The following ST6GAL2 variants were observed in gnomAD, a reference collection of about 807,000 sequenced individuals.
ST6GAL2 encodes ST6 beta-galactoside alpha-2,6-sialyltransferase 2.
ST6GAL2 carries 24 observed loss-of-function variants against 37.5 expected under a neutral mutation model. The observed-to-expected ratio is 0.64, with a 90% CI of 0.46 to 0.90. The LOEUF (loss-of-function observed/expected upper bound fraction) is 0.90. ST6GAL2 is among the 40% of genes least tolerant of loss of function. The probability of loss-of-function intolerance (pLI) is 0.00; values close to 1 mark genes in which losing one functional copy is unlikely to be tolerated. For missense variants in ST6GAL2, 715 were observed against 712.7 expected (o/e 1.00, Z -0.04); for synonymous variants, 306 against 295.1 (o/e 1.04, Z -0.38).
intron 1 of ST6GAL2, among the ~76,000 whole-genome samples, chr2:106,861,162 A>G (rs1000134604): frequency 6.6e-6 from 1 of 152,218 alleles, no homozygotes; most frequent in Non-Finnish European, 1.5e-5. Context: ...GCAAAGGGGA[A>G]GAAAAACACC....
chr2:106,856,890 G>A lies in ST6GAL2; in HGVS notation c.-57-12856C>T, dbSNP rs150362328. On this transcript the variant is annotated intron_variant, in intron 1 of 5. Coordinates refer to ENST00000409382, the MANE Select transcript of ST6GAL2 (RefSeq NM_001142351.2). ...TTCAATTTTCATGACATGAGGAACA[G>A]TCAATATTTAGATTTAATAATATGC... 1.7e-3 allele frequency among the ~76,000 whole-genome samples: 260 copies of A among 152,336 alleles called. 3 individuals carry two copies. The highest frequency in any genetic ancestry group is 0.014 in the East Asian group (72 of 5,184).
At chr2:106,827,175 G>A (rs2104456903) in intron 5 of ST6GAL2, among the ~76,000 whole-genome samples, 1 of 152,224 alleles carries the variant, frequency 6.6e-6, no homozygotes, top group Admixed American at 6.5e-5. Context: ...GGGGGCATTT[G>A]GAGAACACTT....
intron 5 of ST6GAL2, among the ~76,000 whole-genome samples, chr2:106,817,868 G>C (rs10197842): frequency 0.13 from 19,052 of 152,086 alleles, 1,744 homozygotes; most frequent in East Asian, 0.49. Flanking sequence ...TCCCAGGTCT[G>C]GTAGCATTTA....
chr2:106,806,755 G>T lies in ST6GAL2; in HGVS notation c.1513C>A (p.Arg505Ser). Residue 505 changes from arginine to serine, a missense_variant, in exon 6 of 6, where the codon CGC becomes AGC. Physicochemically the swap from Arg to Ser is moderately radical, Grantham distance 110. Around this residue, in one of 3 missense-constraint regions of ST6GAL2, gnomAD observed 198 missense variants for 203.6 expected, o/e 0.97. Transcript: ENST00000409382. ...LNMGTQGDLH[R>S]KGKVVLPGFQ... ...CCGGGAAGAACCACCTTGCCCTTGC[G>T]ATGCAAATCCCCCTGCGTGCCCATG... 6.2e-7 allele frequency: 1 copy of T among 1,614,166 alleles called. No individual in the cohort carries two copies. Among genetic ancestry groups the T allele is most frequent in the South Asian group, 1.1e-5 (1 of 91,082 alleles).
intron 1 of ST6GAL2, among the ~76,000 whole-genome samples, chr2:106,852,751 T>C (rs1309902296): frequency 2.6e-5 from 4 of 152,224 alleles, no homozygotes; most frequent in East Asian, 3.9e-4. Context: ...GGCAAAATCA[T>C]GGTTAGGCTG....
chr2:106,829,776 C>T (rs1676342649), intron 5 of ST6GAL2, among the ~76,000 whole-genome samples: 1 of 151,766 alleles, frequency 6.6e-6, no homozygotes, highest in Non-Finnish European at 1.5e-5. Flanking sequence ...ATCTGAATAA[C>T]CAAAAGTTTA....
rs1675435898 is a variant in ST6GAL2 at position 106,806,931 on chromosome 2, G to GA, written c.1336dup (p.Ser446PhefsTer10). On this transcript the variant is annotated frameshift_variant, in exon 6 of 6. Coordinates refer to ENST00000409382, the MANE Select transcript of ST6GAL2 (RefSeq NM_001142351.2). LOFTEE classifies it high-confidence loss of function. Reference sequence around the variant, plus strand: ...ATACACGTGCACCTCTCTGCACATGGACATCATTATGAGGATTCCTGACAT... The same window carrying GA: ...ATACACGTGCACCTCTCTGCACATGGAACATCATTATGAGGATTCCTGACAT... 1 of 1,611,858 alleles carries GA rather than the reference G, an allele frequency of 6.2e-7. No individual in the cohort carries two copies. The highest frequency in any genetic ancestry group is 1.1e-5 in the South Asian group (1 of 90,960).
intron 4 of ST6GAL2, among the ~76,000 whole-genome samples, chr2:106,831,820 C>G (rs1022781003): frequency 2.0e-5 from 3 of 152,158 alleles, no homozygotes; most frequent in Non-Finnish European, 2.9e-5. Flanking sequence ...AGGTTGCATC[C>G]TCTCTGGTCT....
intron 1 of ST6GAL2, among the ~76,000 whole-genome samples, chr2:106,871,201 G>A (rs982893620): frequency 3.3e-5 from 5 of 152,168 alleles, no homozygotes; most frequent in African/African-American, 1.2e-4. Flanking sequence ...GAAAAGTACA[G>A]TAAAAATATG....
At chr2:106,883,764 C>G (rs1443196448) in intron 1 of ST6GAL2, among the ~76,000 whole-genome samples, 1 of 152,112 alleles carries the variant, frequency 6.6e-6, no homozygotes, top group African/African-American at 2.4e-5. Flanking sequence ...AAAACTCAAT[C>G]AATCAGGAAT....
intron 1 of ST6GAL2, among the ~76,000 whole-genome samples, chr2:106,884,934 T>TATATATATATAC (rs1425070594): frequency 0.052 from 6,278 of 120,248 alleles, 315 homozygotes; most frequent in Middle Eastern, 0.14. Context: ...TATATATATA[T>TATATATATATAC]ACATACACAC....
At chr2:106,836,500 C>T (rs1235469610) in intron 2 of ST6GAL2, among the ~76,000 whole-genome samples, 1 of 152,020 alleles carries the variant, frequency 6.6e-6, no homozygotes, top group African/African-American at 2.4e-5. Flanking sequence ...ATGGATCTTT[C>T]ACTCACGCAT....
chr2:106,843,742 G>A lies in ST6GAL2; in HGVS notation c.236C>T (p.Ala79Val), dbSNP rs562042019. The A allele has an allele frequency of 3.1e-6, 5 of 1,611,802 alleles. No homozygotes were observed. Among genetic ancestry groups the A allele is most frequent in the African/African-American group, 2.7e-5 (2 of 74,962 alleles). ...ACCGGCTGGGTGGGCGCGGGGCAGC[G>A]CCTGGCGTGCGTCCAGGCCCCCAGG... ...SPPGGLDARQ[A>V]LPRAHPAGSF... is the part of the protein sequence containing the mutation. The change falls in exon 2 of 6, where the codon GCG becomes GTG. Residue 79 changes from alanine to valine, a missense_variant. By Grantham distance (64) the Ala-to-Val change is moderately conservative. Around this residue, in one of 3 missense-constraint regions of ST6GAL2, gnomAD observed 512 missense variants for 488.8 expected, o/e 1.05. Coordinates refer to ENST00000409382, the MANE Select transcript of ST6GAL2 (RefSeq NM_001142351.2).
At chr2:106,826,643 C>T (rs1167667834) in intron 5 of ST6GAL2, among the ~76,000 whole-genome samples, 2 of 152,064 alleles carry the variant, frequency 1.3e-5, no homozygotes, top group Non-Finnish European at 2.9e-5. Context: ...GATCCAAACA[C>T]CTCCCACCAG....
At chr2:106,818,197 G>T (rs567522062) in intron 5 of ST6GAL2, among the ~76,000 whole-genome samples, 148 of 152,304 alleles carry the variant, frequency 9.7e-4, no homozygotes, top group Non-Finnish European at 1.4e-3. Flanking sequence ...TTTGCTGATT[G>T]TAGAGCCCTA....
intron 1 of ST6GAL2, among the ~76,000 whole-genome samples, chr2:106,863,572 T>C (rs1346448786): frequency 6.6e-6 from 1 of 152,122 alleles, no homozygotes; most frequent in East Asian, 1.9e-4. Context: ...GTAGAACGTG[T>C]AGGCAGTAGC....
intron 1 of ST6GAL2, among the ~76,000 whole-genome samples, chr2:106,876,885 C>T (rs1009515674): frequency 4.6e-5 from 7 of 152,034 alleles, no homozygotes; most frequent in Non-Finnish European, 8.8e-5. Flanking sequence ...TTCCTCCCTC[C>T]GCATGTGGAC....
chr2:106,858,414 C>T (rs1485167941), intron 1 of ST6GAL2, among the ~76,000 whole-genome samples: 1 of 152,182 alleles, frequency 6.6e-6, no homozygotes, highest in Admixed American at 6.5e-5. Flanking sequence ...TTCCTCCATT[C>T]ACAGTGATAA....
intron 1 of ST6GAL2, among the ~76,000 whole-genome samples, chr2:106,851,086 CTT>C (rs1352470654): frequency 6.6e-6 from 1 of 152,208 alleles, no homozygotes; most frequent in Non-Finnish European, 1.5e-5. Context: ...TTGGGTGTGA[CTT>C]TCTTTTCCTT....
Sources: gnomAD v4.1 joint callset for allele counts (sites outside exome capture counted in the v4.1 genomes callset) on GRCh38, gnomAD v4.1.1 for gene constraint, gnomAD v4.1.1 regional missense constraint, MANE v1.5 for transcripts, NCBI Gene and HGNC (gene_info 2026-07-23, HGNC 2026-07-21) for gene names.